Variants in PPP3CB observed in about 807,000 individuals in gnomAD.
The protein encoded by PPP3CB is serine/threonine-protein phosphatase 2B catalytic subunit beta isoform.
PPP3CB carries 8 observed loss-of-function variants against 66.4 expected under a neutral mutation model. That is an observed-to-expected ratio of 0.12 (90% CI 0.07 to 0.22). The LOEUF is 0.22. Among genes scored for constraint, PPP3CB ranks in the 10% least tolerant of loss-of-function variants. The pLI, the probability that PPP3CB is intolerant of heterozygous loss-of-function variation, is 1.00. For missense variants in PPP3CB, 319 were observed against 642.5 expected (o/e 0.50, Z 5.44); for synonymous variants, 208 against 221.2 (o/e 0.94, Z 0.53).
intron 1 of PPP3CB, among the ~76,000 whole-genome samples, chr10:73,488,351 T>G (rs1344927498): frequency 6.6e-6 from 1 of 151,956 alleles, no homozygotes; most frequent in Admixed American, 6.6e-5. Flanking sequence ...TTGAGACCAA[T>G]CTGGGCAACA....
At chr10:73,493,964 T>C (rs538847101) in intron 1 of PPP3CB, among the ~76,000 whole-genome samples, 4 of 152,260 alleles carry the variant, frequency 2.6e-5, no homozygotes, top group Admixed American at 2.6e-4. Context: ...ATAAGAAGAT[T>C]CACAAACGTA....
At chr10:73,484,956 G>C (rs1242214451) in intron 1 of PPP3CB, among the ~76,000 whole-genome samples, 1 of 152,080 alleles carries the variant, frequency 6.6e-6, no homozygotes, top group Non-Finnish European at 1.5e-5. Context: ...AGGAGGCTGA[G>C]GCAGGAGAAT....
intron 12 of PPP3CB, among the ~76,000 whole-genome samples, chr10:73,443,250 A>AAGAG (rs60288220): frequency 5.9e-5 from 8 of 136,216 alleles, no homozygotes; most frequent in South Asian, 2.3e-4. Flanking sequence ...GAGAGAGAGA[A>AAGAG]AGAGAGAGAG....
chr10:73,448,760 T>C (rs567703161), intron 10 of PPP3CB: 63 of 532,416 alleles, frequency 1.2e-4, no homozygotes, highest in African/African-American at 3.8e-4. Context: ...AATAAAAAGA[T>C]AGAGATTTAA....
chr10:73,494,281 T>C (rs2057132239), intron 1 of PPP3CB, among the ~76,000 whole-genome samples: 1 of 136,374 alleles, frequency 7.3e-6, no homozygotes, highest in Non-Finnish European at 1.5e-5. Context: ...CAGTGTTTTG[T>C]TTTTGTTTTT....
intron 1 of PPP3CB, among the ~76,000 whole-genome samples, chr10:73,487,576 A>C (rs1419065124): frequency 1.3e-5 from 2 of 150,988 alleles, no homozygotes; most frequent in African/African-American, 2.4e-5. Context: ...AAAAAAAAAA[A>C]AAAAAAAACA....
chr10:73,486,295 GTTTTTTTTTT>G (rs1206671127), intron 1 of PPP3CB, among the ~76,000 whole-genome samples: 4 of 117,798 alleles, frequency 3.4e-5, no homozygotes, highest in Non-Finnish European at 6.8e-5. Flanking sequence ...GGCCAGACTG[GTTTTTTTTTT>G]TTTTTTTTTT....
intron 9 of PPP3CB, among the ~76,000 whole-genome samples, chr10:73,461,678 C>T (rs1047786859): frequency 1.2e-4 from 19 of 152,044 alleles, no homozygotes; most frequent in African/African-American, 4.3e-4. Context: ...TGGCACTTTT[C>T]GGTTAAATTC....
chr10:73,442,985 G>A (rs1324725772), intron 12 of PPP3CB, among the ~76,000 whole-genome samples: 1 of 150,886 alleles, frequency 6.6e-6, no homozygotes. Flanking sequence ...TTGAGCCCAG[G>A]AGTTTGAGAC....
At chr10:73,482,254 C>T (rs2056891161) in intron 1 of PPP3CB, among the ~76,000 whole-genome samples, 1 of 150,936 alleles carries the variant, frequency 6.6e-6, no homozygotes, top group African/African-American at 2.4e-5. Flanking sequence ...ATTTAAAATG[C>T]TACGTACTGG....
intron 9 of PPP3CB, among the ~76,000 whole-genome samples, chr10:73,457,505 G>C (rs78913911): frequency 6.6e-6 from 1 of 151,906 alleles, no homozygotes; most frequent in Non-Finnish European, 1.5e-5. Context: ...TCAGGAGGCT[G>C]AGCAGGTGGA....
At chr10:73,443,154 TG>T (rs2056177317) in intron 12 of PPP3CB, among the ~76,000 whole-genome samples, 1 of 151,624 alleles carries the variant, frequency 6.6e-6, no homozygotes, top group Non-Finnish European at 1.5e-5. Context: ...CACTCCAGCC[TG>T]GGTGACACAG....
At chr10:73,495,182 T>C (rs1453765567) in intron 1 of PPP3CB, among the ~76,000 whole-genome samples, 1 of 152,226 alleles carries the variant, frequency 6.6e-6, no homozygotes, top group African/African-American at 2.4e-5. Flanking sequence ...ATGCTGCTTT[T>C]TCTCCCTTTC....
rs1698136758 is a variant in PPP3CB at position 73,437,240 on chromosome 10, C to G, written c.*1002G>C. On this transcript the variant is annotated 3_prime_UTR_variant, in exon 14 of 14. Transcript: ENST00000360663. The stretch of plus-strand genomic sequence containing the variant: ...CCAGAACATTTTAAAATTTCCTTTG[C>G]ATTAAAACATAAAAATGATAGAAAG... 1 of 152,636 alleles carries G rather than the reference C, an allele frequency of 6.6e-6. No individual in the cohort carries two copies. Among genetic ancestry groups the G allele is most frequent in the African/African-American group, 2.4e-5 (1 of 41,466 alleles). 9.5% of individuals were successfully genotyped at this position (152,636 alleles called of 1,614,324 possible).
intron 1 of PPP3CB, among the ~76,000 whole-genome samples, chr10:73,481,803 CT>C (rs144330340): frequency 0.049 from 7,153 of 144,912 alleles, 508 homozygotes; most frequent in African/African-American, 0.16. Context: ...ACTAATCCCT[CT>C]TTTTTTTTTT....
rs1447802324 is a variant in PPP3CB at position 73,437,193 on chromosome 10, C to T, written c.*1049G>A. ...GAACAGAACCATTGCTTCTAGGCTGCATTGCTTAATCAAAAACACTTCCAG... is the reference window on the plus strand; with the variant it reads ...GAACAGAACCATTGCTTCTAGGCTGTATTGCTTAATCAAAAACACTTCCAG... On this transcript the variant is annotated 3_prime_UTR_variant, in exon 14 of 14. Coordinates refer to ENST00000360663, the MANE Select transcript of PPP3CB (RefSeq NM_021132.4). 1.3e-5 allele frequency: 2 copies of T among 152,662 alleles called. No individual in the cohort carries two copies. The highest frequency in any genetic ancestry group is 2.9e-5 in the Non-Finnish European group (2 of 68,040). 9.5% of individuals were successfully genotyped at this position (152,662 alleles called of 1,614,324 possible).
chr10:73,455,971 GCCTGGCACTGTGC>G (rs1210172767), intron 9 of PPP3CB, among the ~76,000 whole-genome samples: 1 of 152,190 alleles, frequency 6.6e-6, no homozygotes, highest in East Asian at 1.9e-4. Context: ...TAACTTCAGA[GCCTGGCACTGTGC>G]CCTGGCACAT....
intron 12 of PPP3CB, among the ~76,000 whole-genome samples, chr10:73,441,268 T>C (rs767160644): frequency 2.6e-5 from 4 of 152,116 alleles, no homozygotes; most frequent in Non-Finnish European, 5.9e-5. Flanking sequence ...GGACGAACAC[T>C]GAATAAAGGA....
At chr10:73,465,517 G>A (rs1399598102) in intron 9 of PPP3CB, among the ~76,000 whole-genome samples, 1 of 152,096 alleles carries the variant, frequency 6.6e-6, no homozygotes, top group African/African-American at 2.4e-5. Flanking sequence ...GGCTATGATG[G>A]CACCACTGCA....
Sources: gnomAD v4.1 joint callset for allele counts (sites outside exome capture counted in the v4.1 genomes callset) on GRCh38, gnomAD v4.1.1 for gene constraint, MANE v1.5 for transcripts, NCBI Gene and HGNC (gene_info 2026-07-23, HGNC 2026-07-21) for gene names.